LIN9: variants seen among roughly 807,000 people sequenced by gnomAD.
LIN9 encodes the protein protein lin-9 homolog.
LIN9 carries 18 observed loss-of-function variants against 78.0 expected under a neutral mutation model. The ratio of observed to expected loss-of-function variants is 0.23; its 90% CI spans 0.16 to 0.34. LIN9 has a LOEUF of 0.34. LIN9 is among the 10% of genes least tolerant of loss of function. LIN9 has a pLI of 1.00. For missense variants in LIN9, 451 were observed against 644.1 expected (o/e 0.70, Z 3.25); for synonymous variants, 192 against 215.2 (o/e 0.89, Z 0.94).
chr1:226,272,381 CTTTTT>C (rs570128823), intron 7 of LIN9, among the ~76,000 whole-genome samples: 2 of 125,956 alleles, frequency 1.6e-5, no homozygotes, highest in African/African-American at 2.9e-5. Context: ...ATTGAAGTGG[CTTTTT>C]TTTTTTTTTT....
intron 2 of LIN9, among the ~76,000 whole-genome samples, chr1:226,298,813 T>C (rs980480505): frequency 6.6e-6 from 1 of 151,828 alleles, no homozygotes; most frequent in Non-Finnish European, 1.5e-5. Context: ...CAAGCCAGGG[T>C]CAAAGCGAGC....
At chr1:226,270,553 A>C (rs903321963) in intron 7 of LIN9, among the ~76,000 whole-genome samples, 3 of 152,096 alleles carry the variant, frequency 2.0e-5, no homozygotes, top group Non-Finnish European at 4.4e-5. Context: ...AAAGAATTAA[A>C]GTAGGCTGGG....
At chr1:226,274,864 TTC>T (rs1660537238) in intron 7 of LIN9, among the ~76,000 whole-genome samples, 8 of 152,186 alleles carry the variant, frequency 5.3e-5, no homozygotes, top group South Asian at 4.1e-4. Context: ...CACTCAGATT[TTC>T]TCTGTTCATT....
At chr1:226,269,688 T>C (rs1264221740) in intron 7 of LIN9, among the ~76,000 whole-genome samples, 1 of 152,054 alleles carries the variant, frequency 6.6e-6, no homozygotes, top group African/African-American at 2.4e-5. Context: ...TCATGGAAAC[T>C]AGAGAGCCAT....
intron 1 of LIN9, among the ~76,000 whole-genome samples, chr1:226,307,844 T>C (rs1451030345): frequency 6.6e-6 from 1 of 152,218 alleles, no homozygotes; most frequent in Non-Finnish European, 1.5e-5. Flanking sequence ...ATATGGCTAG[T>C]AGCTTGGCTG....
At chr1:226,251,359 C>T (rs1040913705) in intron 10 of LIN9, among the ~76,000 whole-genome samples, 2 of 152,164 alleles carry the variant, frequency 1.3e-5, no homozygotes, top group Non-Finnish European at 2.9e-5. Flanking sequence ...TCCCGAGTAG[C>T]TGGGATTACA....
intron 7 of LIN9, among the ~76,000 whole-genome samples, chr1:226,276,060 C>T (rs965620822): frequency 3.3e-5 from 5 of 152,074 alleles, no homozygotes; most frequent in African/African-American, 7.2e-5. Context: ...AAACACAACA[C>T]ACAAAACAGC....
chr1:226,295,942 A>G lies in LIN9; in HGVS notation c.164T>C (p.Phe55Ser), dbSNP rs1488175386. ...AAGTCGACTTCGTTTTGAATTTCTG[A>G]AAGGCTATGATAGAAATGTTTTCAT... Reference protein sequence around the residue: ...RNTSSAVEMPFRNSKRSRLFS... With the variant: ...RNTSSAVEMPSRNSKRSRLFS... The change falls in exon 4 of 15, where the codon TTC becomes TCC. Residue 55 changes from phenylalanine to serine, a missense_variant. Coordinates refer to ENST00000681046, the MANE Select transcript of LIN9 (RefSeq NM_001366245.2). The G allele has an allele frequency of 6.2e-7, 1 of 1,602,046 alleles. No homozygotes were observed. Among genetic ancestry groups the G allele is most frequent in the South Asian group, 1.1e-5 (1 of 89,736 alleles).
intron 10 of LIN9, among the ~76,000 whole-genome samples, chr1:226,260,839 G>T (rs1659534167): frequency 6.6e-6 from 1 of 151,640 alleles, no homozygotes; most frequent in East Asian, 1.9e-4. Context: ...TAGAGACGGG[G>T]TTTCACCATG....
chr1:226,309,208 T>G (rs759878182), upstream of LIN9: 1 of 1,457,158 alleles, frequency 6.9e-7, no homozygotes, highest in Non-Finnish European at 9.2e-7. Flanking sequence ...AGACTGTCTT[T>G]GCGAGGGAGG....
At position 226,233,181 on chromosome 1, in the gene LIN9, C is replaced by T; in HGVS notation, c.1438G>A (p.Gly480Arg). Reference sequence around the variant, plus strand: ...AATTCAAAGGAATTCAGGTCTCCTCCTTCTGCTAGACACTAAAGGGAAAAA... The same window carrying T: ...AATTCAAAGGAATTCAGGTCTCCTCTTTCTGCTAGACACTAAAGGGAAAAA... ...ILLQIKCLAE[G>R]GDLNSFEFKS... is the part of the protein sequence containing the mutation. Residue 480 changes from glycine to arginine, a missense_variant, in exon 14 of 15, where the codon GGA becomes AGA. Gly to Arg is a moderately radical substitution (Grantham distance 125, BLOSUM62 -2). Coordinates refer to ENST00000681046, the MANE Select transcript of LIN9 (RefSeq NM_001366245.2). 4 of 1,605,606 alleles carry T rather than the reference C, an allele frequency of 2.5e-6. No individual in the cohort carries two copies. Among genetic ancestry groups the T allele is most frequent in the Non-Finnish European group, 3.4e-6 (4 of 1,177,062 alleles).
chr1:226,294,387 CCTGA>C (rs1402925030), intron 4 of LIN9, among the ~76,000 whole-genome samples: 3 of 151,964 alleles, frequency 2.0e-5, no homozygotes, highest in East Asian at 1.9e-4. Context: ...TCAAGATCGG[CCTGA>C]CTAACATGCA....
intron 10 of LIN9, among the ~76,000 whole-genome samples, chr1:226,260,900 C>T (rs559788590): frequency 6.6e-6 from 1 of 152,032 alleles, no homozygotes; most frequent in South Asian, 2.1e-4. Flanking sequence ...CTGCCTCGGC[C>T]TCCCAAAGTG....
intron 11 of LIN9, among the ~76,000 whole-genome samples, chr1:226,247,307 C>T (rs932115385): frequency 2.0e-5 from 3 of 152,082 alleles, no homozygotes. Flanking sequence ...CTACTGTCTA[C>T]AGTTGATTTT....
At chr1:226,268,250 G>T (rs1331821432) in intron 7 of LIN9, among the ~76,000 whole-genome samples, 160 bp from the exon 8 acceptor site, 1 of 151,838 alleles carries the variant, frequency 6.6e-6, no homozygotes, top group Non-Finnish European at 1.5e-5. Flanking sequence ...AAACAACAAA[G>T]AATTTTTGAA....
rs1432068367 is a variant in LIN9 at position 226,301,114 on chromosome 1, ATTAAT to A, written c.64+54_64+58del. On this transcript the variant is annotated intron_variant, in intron 2 of 14. Coordinates refer to ENST00000681046, the MANE Select transcript of LIN9 (RefSeq NM_001366245.2). Reference sequence around the variant, plus strand: ...AGGAAAATGGAAACACTATATCCAGATTAATTTAACAAATTAGACTTTTAGCTATG... The same window carrying A: ...AGGAAAATGGAAACACTATATCCAGATTAACAAATTAGACTTTTAGCTATG... The A allele has an allele frequency of 7.8e-6, 10 of 1,288,648 alleles. No homozygotes were observed. In the Admixed American group the frequency reaches 1.2e-4, roughly 15 times the overall value. 79.8% of individuals were successfully genotyped at this position (1,288,648 alleles called of 1,614,324 possible). A position where few individuals can be genotyped will look rare whatever the true frequency, so the allele number is the denominator to read the frequency against.
chr1:226,291,280 A>T (rs943235173), intron 4 of LIN9, among the ~76,000 whole-genome samples: 2 of 152,176 alleles, frequency 1.3e-5, no homozygotes, highest in African/African-American at 2.4e-5. Context: ...AATGATATAA[A>T]ATTGAATACT....
intron 11 of LIN9, among the ~76,000 whole-genome samples, chr1:226,244,990 G>A (rs1245854260): frequency 6.6e-6 from 1 of 152,188 alleles, no homozygotes. Context: ...AAACATAAGT[G>A]TAGAAGTTTC....
intron 7 of LIN9, among the ~76,000 whole-genome samples, chr1:226,276,304 A>C (rs762179876): frequency 4.6e-5 from 7 of 152,192 alleles, no homozygotes; most frequent in Admixed American, 6.5e-5. Context: ...CTTATACTAG[A>C]CTTTATTGCT....
Sources: gnomAD v4.1 joint callset for allele counts (sites outside exome capture counted in the v4.1 genomes callset) on GRCh38, gnomAD v4.1.1 for gene constraint, MANE v1.5 for transcripts, NCBI Gene and HGNC (gene_info 2026-07-23, HGNC 2026-07-21) for gene names.